The following GRIN2A variants were observed in gnomAD, a reference collection of about 807,000 sequenced individuals.
GRIN2A encodes glutamate receptor ionotropic, NMDA 2A.
GRIN2A carries 22 observed loss-of-function variants against 113.4 expected under a neutral mutation model. That is an observed-to-expected ratio of 0.19 (90% CI 0.14 to 0.28). The LOEUF is 0.28. Among genes scored for constraint, GRIN2A ranks in the 10% least tolerant of loss-of-function variants. GRIN2A has a pLI of 1.00. For missense variants in GRIN2A, 1,502 were observed against 1,887.0 expected (o/e 0.80, Z 3.78); for synonymous variants, 827 against 738.4 (o/e 1.12, Z -1.94).
At chr16:10,179,893 C>CCCCACACAAAAAAAAAAAAT in intron 2 of GRIN2A, 105 bp downstream of exon 2, 1 of 719,818 alleles carries the variant, frequency 1.4e-6, no homozygotes. Flanking sequence ...CCCCCACCCC[C>CCCCACACAAAAAAAAAAAAT]ACTTCACATC....
At position 9,878,256 on chromosome 16, in the gene GRIN2A, G is replaced by C. The variant is rs541142871; in HGVS notation, c.1122+12730C>G. 1.4e-4 allele frequency among the ~76,000 whole-genome samples: 21 copies of C among 152,236 alleles called. No individual in the cohort carries two copies. The South Asian group carries it at 3.7e-3, about 27-fold the overall frequency. On this transcript the variant is annotated intron_variant, in intron 4 of 12. Transcript: ENST00000330684. ...TTGACTCTGGCTCTATTAAAATACTGCTTGGGCTCAAGTCCTGCCTTTACC... is the reference window on the plus strand; with the variant it reads ...TTGACTCTGGCTCTATTAAAATACTCCTTGGGCTCAAGTCCTGCCTTTACC...
At chr16:9,898,760 A>G (rs16966658) in intron 3 of GRIN2A, among the ~76,000 whole-genome samples, 44,224 of 147,046 alleles carry the variant, frequency 0.3, 7,628 homozygotes, top group African/African-American at 0.48. Context: ...CCTCTTTTCA[A>G]TTCTCAAGAT....
In GRIN2A at chr16:9,762,784, T is replaced by A; in HGVS notation, c.*365A>T. 2.5e-6 allele frequency: 1 copy of A among 402,452 alleles called. No individual in the cohort carries two copies. The highest frequency in any genetic ancestry group is 4.5e-6 in the Non-Finnish European group (1 of 220,172). 24.9% of individuals were successfully genotyped at this position (402,452 alleles called of 1,614,324 possible). ...CATTTCTGATGAGAAAATTACATGG[T>A]GGGCTGACCTTAATGGAATTTGGAA... On this transcript the variant is annotated 3_prime_UTR_variant, in exon 13 of 13. Coordinates refer to ENST00000330684, the MANE Select transcript of GRIN2A (RefSeq NM_001134407.3).
intron 3 of GRIN2A, among the ~76,000 whole-genome samples, chr16:9,905,172 C>T (rs1365394479): frequency 6.6e-6 from 1 of 152,186 alleles, no homozygotes; most frequent in Non-Finnish European, 1.5e-5. Flanking sequence ...ATTGTGTGGT[C>T]CTTTCTCTGC....
intron 10 of GRIN2A, among the ~76,000 whole-genome samples, chr16:9,815,593 G>C (rs2042172831): frequency 6.6e-6 from 1 of 152,124 alleles, no homozygotes; most frequent in Admixed American, 6.6e-5. Context: ...CTCATACCCA[G>C]TGGGATGGCT....
At position 9,754,905 on chromosome 16, in the gene GRIN2A, T is replaced by C. The variant is rs1900294589; in HGVS notation, c.*8244A>G. The C allele has an allele frequency of 4.5e-6, 1 of 222,688 alleles. No individual in the cohort carries two copies. The highest frequency in any genetic ancestry group is 2.2e-5 in the African/African-American group (1 of 44,806). 13.8% of individuals were successfully genotyped at this position (222,688 alleles called of 1,614,324 possible). ...CAAAATGTCAGATCAATGGGAAGCATTTAAAATGCCAAAGACAAACTCATG... is the reference window on the plus strand; with the variant it reads ...CAAAATGTCAGATCAATGGGAAGCACTTAAAATGCCAAAGACAAACTCATG... On this transcript the variant is annotated 3_prime_UTR_variant, in exon 13 of 13. Transcript: ENST00000330684.
At chr16:10,120,237 A>G (rs1326113893) in intron 2 of GRIN2A, among the ~76,000 whole-genome samples, 1 of 152,126 alleles carries the variant, frequency 6.6e-6, no homozygotes, top group South Asian at 2.1e-4. Context: ...CTATGGCTGG[A>G]GACATTTGTT....
chr16:10,151,483 A>G (rs1190740308), intron 2 of GRIN2A, among the ~76,000 whole-genome samples: 3 of 152,160 alleles, frequency 2.0e-5, no homozygotes, highest in Non-Finnish European at 2.9e-5. Flanking sequence ...GTGCAAACAT[A>G]TTACCCTAAA....
chr16:9,792,105 G>GTGTGTGTCTC (rs3831728), intron 11 of GRIN2A, among the ~76,000 whole-genome samples: 2 of 151,064 alleles, frequency 1.3e-5, no homozygotes, highest in African/African-American at 4.9e-5. Context: ...GTGTGTGTGT[G>GTGTGTGTCTC]TGTATCTTTC....
intron 11 of GRIN2A, among the ~76,000 whole-genome samples, chr16:9,776,329 C>T (rs1008051246): frequency 5.7e-5 from 8 of 140,356 alleles, no homozygotes; most frequent in Non-Finnish European, 1.1e-4. Flanking sequence ...ACGTAATTGT[C>T]ACTGGGAGGT....
intron 10 of GRIN2A, among the ~76,000 whole-genome samples, chr16:9,817,954 C>G (rs962957381): frequency 6.6e-6 from 1 of 151,942 alleles, no homozygotes; most frequent in Non-Finnish European, 1.5e-5. Flanking sequence ...GATGAGGTTA[C>G]CTTCTTCAAC....
intron 11 of GRIN2A, among the ~76,000 whole-genome samples, chr16:9,783,948 A>AAC (rs1292550039): frequency 6.6e-6 from 1 of 152,118 alleles, no homozygotes; most frequent in Non-Finnish European, 1.5e-5. Context: ...AGAAGGGAGC[A>AAC]ACACACACTG....
chr16:10,070,872 G>A (rs533953349), intron 2 of GRIN2A, among the ~76,000 whole-genome samples: 1 of 152,244 alleles, frequency 6.6e-6, no homozygotes, highest in South Asian at 2.1e-4. Flanking sequence ...TTTTCTCATG[G>A]GTACTTTGCC....
chr16:9,822,057 G>T (rs575738884), intron 10 of GRIN2A, among the ~76,000 whole-genome samples: 1 of 152,228 alleles, frequency 6.6e-6, no homozygotes, highest in African/African-American at 2.4e-5. Flanking sequence ...AAGCATCCTG[G>T]ATTTGCTTTT....
intron 2 of GRIN2A, among the ~76,000 whole-genome samples, chr16:9,943,835 T>G (rs562107401): frequency 1.3e-5 from 2 of 152,350 alleles, no homozygotes; most frequent in African/African-American, 4.8e-5. Flanking sequence ...TTGTGCCCCA[T>G]GCAAGTCTGA....
intron 2 of GRIN2A, among the ~76,000 whole-genome samples, chr16:10,016,080 C>G (rs2046604575): frequency 7.5e-6 from 1 of 132,624 alleles, no homozygotes; most frequent in African/African-American, 2.9e-5. Flanking sequence ...CATGCCATTG[C>G]ACTCCAGCCT....
In GRIN2A at chr16:10,137,711, T is replaced by C. The variant is rs115699355; in HGVS notation, c.414+42287A>G. On this transcript the variant is annotated intron_variant, in intron 2 of 12. Coordinates refer to ENST00000330684, the MANE Select transcript of GRIN2A (RefSeq NM_001134407.3). The stretch of plus-strand genomic sequence containing the variant: ...TGCACCTATTCTGTGTGAGACACTA[T>C]AGTTTCCTCCTCTGTAAAATGGGGG... Among the ~76,000 whole-genome samples the C allele has an allele frequency of 2.3e-3, 354 of 152,328 alleles. 3 individuals are homozygous for C. Among genetic ancestry groups the C allele is most frequent in the African/African-American group, 8.3e-3 (345 of 41,574 alleles).
At chr16:10,005,057 T>A (rs1464545046) in intron 2 of GRIN2A, among the ~76,000 whole-genome samples, 1 of 152,242 alleles carries the variant, frequency 6.6e-6, no homozygotes, top group Non-Finnish European at 1.5e-5. Context: ...GCTCTGTGTT[T>A]CTCTGAATTT....
At chr16:10,088,759 A>C (rs1010428590) in intron 2 of GRIN2A, among the ~76,000 whole-genome samples, 6 of 152,206 alleles carry the variant, frequency 3.9e-5, no homozygotes, top group Non-Finnish European at 1.5e-5. Context: ...CAGAGTCAGC[A>C]GCACTGGAGT....
Sources: gnomAD v4.1 joint callset for allele counts (sites outside exome capture counted in the v4.1 genomes callset) on GRCh38, gnomAD v4.1.1 for gene constraint, MANE v1.5 for transcripts, NCBI Gene and HGNC (gene_info 2026-07-23, HGNC 2026-07-21) for gene names.